Variants in PDE7B observed in about 807,000 individuals in gnomAD.
The protein encoded by PDE7B is phosphodiesterase 7B.
Under a neutral mutation model 56.2 loss-of-function variants are expected in PDE7B, and 29 were observed. That is an observed-to-expected ratio of 0.52 (90% CI 0.38 to 0.70). PDE7B has a LOEUF of 0.70. Ranked by LOEUF, PDE7B falls within the 30% of genes least tolerant of loss-of-function variation. The pLI, the probability that PDE7B is intolerant of heterozygous loss-of-function variation, is 0.00. For missense variants in PDE7B, 490 were observed against 565.0 expected, an observed-to-expected ratio of 0.87 and a Z score of 1.35; for synonymous variants, 197 against 196.9, an observed-to-expected ratio of 1.00 and a Z score of 0.00.
chr6:136,061,767 G>T (rs1229548166), intron 2 of PDE7B, among the ~76,000 whole-genome samples: 1 of 152,206 alleles, frequency 6.6e-6, no homozygotes, highest in Non-Finnish European at 1.5e-5. Context: ...GGGATAGAGG[G>T]ATTACAAAGA....
intron 3 of PDE7B, among the ~76,000 whole-genome samples, chr6:136,115,647 T>A (rs1777818621): frequency 6.6e-6 from 1 of 152,256 alleles, no homozygotes; most frequent in Admixed American, 6.5e-5. Context: ...GATTACTTTT[T>A]ATCTGAAGGA....
chr6:136,120,163 C>A (rs1274127376), intron 3 of PDE7B, among the ~76,000 whole-genome samples: 1 of 152,154 alleles, frequency 6.6e-6, no homozygotes, highest in Non-Finnish European at 1.5e-5. Flanking sequence ...GGGCATAGGA[C>A]ACATAACAAT....
chr6:136,024,547 T>A (rs1776120719), intron 2 of PDE7B, among the ~76,000 whole-genome samples: 1 of 152,112 alleles, frequency 6.6e-6, no homozygotes, highest in Non-Finnish European at 1.5e-5. Context: ...TGATGGCACC[T>A]AAGACTGAAG....
intron 1 of PDE7B, among the ~76,000 whole-genome samples, chr6:135,935,769 C>T (rs1454666405): frequency 6.6e-6 from 1 of 152,172 alleles, no homozygotes; most frequent in African/African-American, 2.4e-5. Context: ...GCTTATAAAA[C>T]CTGTCAGTCA....
intron 2 of PDE7B, among the ~76,000 whole-genome samples, chr6:135,951,719 C>T (rs1306438356): frequency 5.9e-5 from 9 of 151,932 alleles, no homozygotes. Context: ...TCCTCTTTAT[C>T]AAGGTTTAAT....
chr6:136,045,238 C>T (rs942956594), intron 2 of PDE7B, among the ~76,000 whole-genome samples: 1 of 152,152 alleles, frequency 6.6e-6, no homozygotes, highest in South Asian at 2.1e-4. Context: ...TTGATATACA[C>T]ACAGTGTGAA....
chr6:135,970,064 T>A (rs901602672), intron 2 of PDE7B, among the ~76,000 whole-genome samples: 5 of 152,120 alleles, frequency 3.3e-5, no homozygotes, highest in Non-Finnish European at 5.9e-5. Flanking sequence ...TCTGTAAATA[T>A]TTATTGAGTA....
intron 1 of PDE7B, among the ~76,000 whole-genome samples, chr6:135,876,891 T>C (rs1483160824): frequency 6.6e-6 from 1 of 152,144 alleles, no homozygotes; most frequent in African/African-American, 2.4e-5. Context: ...CATCATTATT[T>C]CTAAACCACC....
chr6:136,116,598 A>C (rs906252924), intron 3 of PDE7B, among the ~76,000 whole-genome samples: 31 of 152,248 alleles, frequency 2.0e-4, no homozygotes, highest in African/African-American at 6.5e-4. Context: ...CATCTGAAAA[A>C]TTGGAGCTGA....
chr6:135,958,883 A>G (rs933310851), intron 2 of PDE7B, among the ~76,000 whole-genome samples: 1 of 152,168 alleles, frequency 6.6e-6, no homozygotes, highest in African/African-American at 2.4e-5. Context: ...GAACGCTATC[A>G]AGCTTACTGA....
At chr6:136,114,248 CCTTTA>C (rs1777796157) in intron 3 of PDE7B, among the ~76,000 whole-genome samples, 1 of 152,126 alleles carries the variant, frequency 6.6e-6, no homozygotes, top group African/African-American at 2.4e-5. Context: ...AAAATATTTC[CCTTTA>C]CTTATTATTT....
intron 3 of PDE7B, among the ~76,000 whole-genome samples, chr6:136,109,634 G>A (rs1777710199): frequency 6.6e-6 from 1 of 152,134 alleles, no homozygotes; most frequent in South Asian, 2.1e-4. Flanking sequence ...AATCTTACAA[G>A]TTCATTGACT....
At chr6:135,928,528 T>C (rs867477611) in intron 1 of PDE7B, among the ~76,000 whole-genome samples, 4 of 134,748 alleles carry the variant, frequency 3.0e-5, no homozygotes, top group Admixed American at 8.8e-5. Context: ...TTTATATATA[T>C]ACACACACAC....
intron 3 of PDE7B, among the ~76,000 whole-genome samples, chr6:136,126,471 G>T (rs1226596277): frequency 2.6e-5 from 4 of 152,170 alleles, no homozygotes; most frequent in African/African-American, 9.7e-5. Flanking sequence ...CAGAGGAAAA[G>T]AAGTTATTAT....
chr6:136,104,942 T>C (rs1399874783), intron 2 of PDE7B, among the ~76,000 whole-genome samples: 1 of 152,206 alleles, frequency 6.6e-6, no homozygotes, highest in African/African-American at 2.4e-5. Context: ...TTTGTTGTTA[T>C]TGCCGATTTG....
intron 6 of PDE7B, among the ~76,000 whole-genome samples, chr6:136,151,894 T>C (rs931988890): frequency 2.0e-5 from 3 of 152,094 alleles, no homozygotes; most frequent in East Asian, 3.9e-4. Flanking sequence ...GAGCCGAGAT[T>C]GCGCCACTGC....
chr6:136,004,720 A>C (rs188122183), intron 2 of PDE7B, among the ~76,000 whole-genome samples: 1 of 152,366 alleles, frequency 6.6e-6, no homozygotes, highest in East Asian at 1.9e-4. Flanking sequence ...AAACAAGTGG[A>C]AGAACATTCC....
chr6:135,967,655 G>A (rs1211888631), intron 2 of PDE7B, among the ~76,000 whole-genome samples: 2 of 152,162 alleles, frequency 1.3e-5, no homozygotes, highest in Non-Finnish European at 2.9e-5. Flanking sequence ...ATTCTTTAGG[G>A]TCTATGTCCA....
At chr6:135,963,112 T>C (rs1774936596) in intron 2 of PDE7B, among the ~76,000 whole-genome samples, 1 of 152,162 alleles carries the variant, frequency 6.6e-6, no homozygotes, top group Admixed American at 6.5e-5. Context: ...AATCGAAACA[T>C]GTAACACAGC....
Sources: gnomAD v4.1 joint callset for allele counts (sites outside exome capture counted in the v4.1 genomes callset) on GRCh38, gnomAD v4.1.1 for gene constraint, MANE v1.5 for transcripts, NCBI Gene and HGNC (gene_info 2026-07-23, HGNC 2026-07-21) for gene names.